The following TMEM87A variants were observed in gnomAD, a reference collection of about 807,000 sequenced individuals.
TMEM87A encodes Golgi-pH regulating cation channel.
A neutral mutation model predicts 90.0 loss-of-function variants in TMEM87A; 50 were observed. That is an observed-to-expected ratio of 0.56 (90% confidence interval 0.44 to 0.70). TMEM87A has a LOEUF of 0.70. TMEM87A is among the 30% of genes least tolerant of loss of function. The pLI, the probability that TMEM87A is intolerant of heterozygous loss-of-function variation, is 0.00. For synonymous variants in TMEM87A, 226 were observed against 226.7 expected (o/e 1.00, Z 0.03); for missense variants, 577 against 660.5 (o/e 0.87, Z 1.39).
intron 13 of TMEM87A, among the ~76,000 whole-genome samples, chr15:42,228,237 T>A (rs892820413): frequency 6.6e-6 from 1 of 152,200 alleles, no homozygotes; most frequent in African/African-American, 2.4e-5. Context: ...CTATTCCTGG[T>A]ACAAGGGTCA....
intron 6 of TMEM87A, among the ~76,000 whole-genome samples, chr15:42,255,268 G>A (rs370389021): frequency 1.2e-4 from 18 of 152,114 alleles, no homozygotes; most frequent in Admixed American, 3.3e-4. Flanking sequence ...CAAGTAGCTA[G>A]GATTACAGGC....
At chr15:42,235,607 A>C (rs1231159477) in intron 10 of TMEM87A, among the ~76,000 whole-genome samples, 3 of 152,074 alleles carry the variant, frequency 2.0e-5, no homozygotes, top group Non-Finnish European at 4.4e-5. Flanking sequence ...CACTGGTTCC[A>C]CCTTCAAAAT....
chr15:42,211,863 A>C (rs1295268217), intron 19 of TMEM87A, 114 bp from the exon 20 acceptor site: 1 of 979,998 alleles, frequency 1.0e-6, no homozygotes, highest in African/African-American at 1.6e-5. Flanking sequence ...ATGTTAATTA[A>C]ATGTTTAGAG....
intron 7 of TMEM87A, among the ~76,000 whole-genome samples, chr15:42,241,363 G>GT (rs1161736577): frequency 6.6e-6 from 1 of 152,194 alleles, no homozygotes; most frequent in African/African-American, 2.4e-5. Context: ...AGAAGGATAA[G>GT]TATGTATTTT....
chr15:42,231,291 A>G, intron 11 of TMEM87A, 31 bp from the exon 12 acceptor site: 1 of 1,537,878 alleles, frequency 6.5e-7, no homozygotes. Context: ...GTGGTGAAAA[A>G]CAGATGTCTA....
intron 6 of TMEM87A, among the ~76,000 whole-genome samples, chr15:42,251,107 T>C (rs1254642105): frequency 6.6e-6 from 1 of 152,218 alleles, no homozygotes; most frequent in Admixed American, 6.5e-5. Context: ...TTTAAGGTCT[T>C]CTCTACACTG....
rs1204815201 is a variant in TMEM87A at position 42,258,784 on chromosome 15, T to C, written c.504+2174A>G. The C allele has an allele frequency of 8.3e-6, 12 of 1,442,372 alleles. No homozygotes were observed. In the East Asian group the frequency reaches 2.8e-4, roughly 33 times the overall value. 89.3% of individuals were successfully genotyped at this position (1,442,372 alleles called of 1,614,324 possible). Reference sequence around the variant, plus strand: ...AAAGACTGTCATGCCTAACTTACATTCAGTTAAAATTCTGTACAAATAAAA... The same window carrying C: ...AAAGACTGTCATGCCTAACTTACATCCAGTTAAAATTCTGTACAAATAAAA... On this transcript the variant is annotated intron_variant, in intron 6 of 19. Coordinates refer to ENST00000389834, the MANE Select transcript of TMEM87A (RefSeq NM_015497.5).
intron 2 of TMEM87A, among the ~76,000 whole-genome samples, chr15:42,268,862 T>C (rs1431667304): frequency 6.6e-6 from 1 of 152,166 alleles, no homozygotes; most frequent in Non-Finnish European, 1.5e-5. Flanking sequence ...TAAATGGTGT[T>C]AAATGATGAT....
Position 42,237,694 on chromosome 15 carries a change from C to T in TMEM87A, c.685-79G>A, listed in dbSNP as rs1405150179. ...TCTGTAGATTTAGAATCAATATATA[C>T]TTTTTTTTTTTTTTTAAGAGATGGG... is the stretch of plus-strand genomic sequence containing the variant. On this transcript the variant is annotated intron_variant, in intron 8 of 19. Coordinates refer to ENST00000389834, the MANE Select transcript of TMEM87A (RefSeq NM_015497.5). 40 of 789,178 alleles carry T rather than the reference C, an allele frequency of 5.1e-5. No homozygotes were observed. In the East Asian group the frequency reaches 7.5e-4, roughly 15 times the overall value. 48.9% of individuals were successfully genotyped at this position (789,178 alleles called of 1,614,324 possible).
At chr15:42,221,855 A>G (rs1347532602) in intron 15 of TMEM87A, among the ~76,000 whole-genome samples, 1 of 152,106 alleles carries the variant, frequency 6.6e-6, no homozygotes, top group Non-Finnish European at 1.5e-5. Flanking sequence ...GGTTCAAGTG[A>G]TCCTCCCACC....
intron 14 of TMEM87A, 108 bp from the exon 15 acceptor site, chr15:42,227,017 T>C (rs2050608094): frequency 3.8e-6 from 4 of 1,051,256 alleles, no homozygotes; most frequent in Non-Finnish European, 4.2e-6. Context: ...TCAAGTTATG[T>C]TTACTAAGAG....
chr15:42,219,365 G>A (rs1616957), intron 17 of TMEM87A, among the ~76,000 whole-genome samples: 142,743 of 152,228 alleles, frequency 0.94, 67,385 homozygotes, highest in Non-Finnish European at 1. Flanking sequence ...TTTTCACTTC[G>A]TTAATTGTTT....
chr15:42,271,153 G>A (rs944595961), intron 2 of TMEM87A, among the ~76,000 whole-genome samples: 6 of 152,110 alleles, frequency 3.9e-5, no homozygotes, highest in African/African-American at 1.2e-4. Context: ...CACACAATGG[G>A]ATACTTTAGA....
rs192234845 is a variant in TMEM87A, at chr15:42,250,902, C to T, written c.505-6735G>A. ...ATCAGATGTAGATTTGGCCTTTTCA[C>T]ACAGTCCCATATTTCTTGCAGGCTT... On this transcript the variant is annotated intron_variant, in intron 6 of 19. Coordinates refer to ENST00000389834, the MANE Select transcript of TMEM87A (RefSeq NM_015497.5). Among the ~76,000 whole-genome samples the T allele has an allele frequency of 8.7e-4, 133 of 152,336 alleles. 1 individual carries two copies. The highest frequency in any genetic ancestry group is 1.4e-3 in the Admixed American group (21 of 15,308).
At chr15:42,273,136 A>G in intron 1 of TMEM87A, 119 bp downstream of exon 1, 1 of 1,313,638 alleles carries the variant, frequency 7.6e-7, no homozygotes, top group African/African-American at 1.4e-5. Context: ...CACACAGACC[A>G]TCCCAGCAAC....
At position 42,228,596 on chromosome 15, in the gene TMEM87A, C is replaced by T; in HGVS notation, c.1240+116G>A. ...CTGAGAATTTGACAAGAGCTAAGAA[C>T]CCTTTTCCAAGTGAAATATACAAAA... On this transcript the variant is annotated intron_variant, in intron 13 of 19. Transcript: ENST00000389834. 8.8e-6 allele frequency: 7 copies of T among 798,164 alleles called. 1 individual carries two copies. In the South Asian group the frequency reaches 9.2e-5, roughly 11 times the overall value. 49.4% of individuals were successfully genotyped at this position (798,164 alleles called of 1,614,324 possible). A position where few individuals can be genotyped will look rare whatever the true frequency, so the allele number is the denominator to read the frequency against.
At chr15:42,212,233 A>G (rs1004873499) in intron 19 of TMEM87A, among the ~76,000 whole-genome samples, 5 of 152,204 alleles carry the variant, frequency 3.3e-5, no homozygotes, top group African/African-American at 1.2e-4. Flanking sequence ...AATTTAATAT[A>G]GTATTTACAG....
intron 6 of TMEM87A, among the ~76,000 whole-genome samples, chr15:42,250,849 A>G (rs2051071583): frequency 6.6e-6 from 1 of 152,026 alleles, no homozygotes; most frequent in Non-Finnish European, 1.5e-5. Flanking sequence ...GCTTGGTTCC[A>G]TTCTCCCCAT....
intron 7 of TMEM87A, among the ~76,000 whole-genome samples, chr15:42,243,482 T>G (rs1288417730): frequency 3.3e-5 from 5 of 150,822 alleles, no homozygotes; most frequent in African/African-American, 1.2e-4. Flanking sequence ...CTTAAATTCT[T>G]GAGACATTAA....
Sources: gnomAD v4.1 joint callset for allele counts (sites outside exome capture counted in the v4.1 genomes callset) on GRCh38, gnomAD v4.1.1 for gene constraint, MANE v1.5 for transcripts, NCBI Gene and HGNC (gene_info 2026-07-23, HGNC 2026-07-21) for gene names.